Variants in MRPL48 observed in about 807,000 individuals in gnomAD.
MRPL48 encodes mitochondrial ribosomal protein L48, also known as large ribosomal subunit protein mL48.
In MRPL48, 16 loss-of-function variants were observed where a neutral mutation model predicts 32.9. The observed-to-expected ratio is 0.49, with a 90% confidence interval of 0.33 to 0.74. MRPL48 has a LOEUF of 0.74. Among genes scored for constraint, MRPL48 ranks in the 30% least tolerant of loss-of-function variants. The pLI is 0.02. For missense variants in MRPL48, 206 were observed against 245.3 expected (o/e 0.84, Z 1.07); for synonymous variants, 94 against 89.2 (o/e 1.05, Z -0.31).
intron 1 of MRPL48, among the ~76,000 whole-genome samples, chr11:73,794,652 G>T (rs1212155542): frequency 6.6e-6 from 1 of 152,036 alleles, no homozygotes; most frequent in African/African-American, 2.4e-5. Flanking sequence ...TTGTTCAAGA[G>T]AATCTAGTTA....
chr11:73,852,393 C>CAAAAAAAAAAAA (rs10554131), intron 5 of MRPL48, among the ~76,000 whole-genome samples: 4 of 83,354 alleles, frequency 4.8e-5, no homozygotes, highest in Non-Finnish European at 7.0e-5. Flanking sequence ...AACTCTATAG[C>CAAAAAAAAAAAA]AAAAAAAAAA....
intron 4 of MRPL48, among the ~76,000 whole-genome samples, chr11:73,835,173 C>T (rs58432589): frequency 5.0e-4 from 62 of 123,744 alleles, no homozygotes; most frequent in African/African-American, 1.9e-3. Context: ...GACGAAGTCT[C>T]GCTCTGTCAC....
intron 4 of MRPL48, among the ~76,000 whole-genome samples, chr11:73,841,642 T>C (rs34550191): frequency 0.059 from 8,965 of 152,246 alleles, 296 homozygotes; most frequent in Middle Eastern, 0.11. Flanking sequence ...GGAAAGGAGA[T>C]CTTTTTAGGG....
intron 1 of MRPL48, among the ~76,000 whole-genome samples, chr11:73,794,932 ATGGAGTCTTGCTCCGTCGCCCAGGC>A (rs999711040): frequency 8.0e-6 from 1 of 124,304 alleles, no homozygotes; most frequent in Non-Finnish European, 1.7e-5. Flanking sequence ...TTTTTTGGAG[ATGGAGTCTTGCTCCGTCGCCCAGGC>A]TGGAGTGCAA....
intron 1 of MRPL48, among the ~76,000 whole-genome samples, chr11:73,795,529 G>A (rs1390890698): frequency 7.5e-6 from 1 of 134,070 alleles, no homozygotes; most frequent in African/African-American, 2.8e-5. Flanking sequence ...TTTTTTTTTT[G>A]AGACCGAGTC....
At chr11:73,859,808 C>T (rs1591012274) in intron 5 of MRPL48, 99 bp from the exon 6 acceptor site, 2 of 952,736 alleles carry the variant, frequency 2.1e-6, no homozygotes, top group African/African-American at 1.6e-5. Flanking sequence ...ATTCCGGGAA[C>T]TATTGCATGC....
chr11:73,826,295 C>T (rs143458329), intron 4 of MRPL48, among the ~76,000 whole-genome samples: 158 of 152,158 alleles, frequency 1.0e-3, no homozygotes, highest in Middle Eastern at 3.4e-3. Context: ...ATAGGGATTA[C>T]AGGCATGAGC....
rs12280361 is a variant in MRPL48 at position 73,808,027 on chromosome 11, G to A, written c.75-286G>A. 4.2e-3 allele frequency among the ~76,000 whole-genome samples: 644 copies of A among 152,240 alleles called. 1 individual carries two copies. Among genetic ancestry groups the A allele is most frequent in the African/African-American group, 0.015 (609 of 41,538 alleles). On this transcript the variant is annotated intron_variant, in intron 2 of 7. Coordinates refer to ENST00000310614, the MANE Select transcript of MRPL48 (RefSeq NM_016055.6). ...TTTCCTTTGTGTCCTATTTAATTTT[G>A]TATGTTTCTGTTCTGGATCAATACT...
intron 1 of MRPL48, among the ~76,000 whole-genome samples, chr11:73,788,573 A>G (rs1229511451): frequency 6.8e-6 from 1 of 146,200 alleles, no homozygotes; most frequent in Non-Finnish European, 1.5e-5. Flanking sequence ...TTCCGGGTTC[A>G]AGCGATTCTC....
At chr11:73,797,684 C>T (rs1947282898) in intron 1 of MRPL48, among the ~76,000 whole-genome samples, 1 of 152,254 alleles carries the variant, frequency 6.6e-6, no homozygotes, top group Non-Finnish European at 1.5e-5. Context: ...TGCTCACTCA[C>T]ATACCCCTCA....
rs112576224 is a variant in MRPL48, at chr11:73,812,738, A to ATATATATTTATT, written c.112+4391_112+4392insATATTTATTTAT. Among the ~76,000 whole-genome samples the ATATATATTTATT allele has an allele frequency of 2.1e-4, 30 of 142,056 alleles. No individual in the cohort carries two copies. In the South Asian group the frequency reaches 6.2e-3, roughly 29 times the overall value. 93.2% of individuals were successfully genotyped at this position (142,056 alleles called of 152,430 possible). On this transcript the variant is annotated intron_variant, in intron 3 of 7. Coordinates refer to ENST00000310614, the MANE Select transcript of MRPL48 (RefSeq NM_016055.6). ...TCTAAATATATATATATATATATAT[A>ATATATATTTATT]TATTTATTTATTTATTTTTTATTGT...
intron 3 of MRPL48, among the ~76,000 whole-genome samples, chr11:73,810,157 A>C (rs544990719): frequency 6.6e-6 from 1 of 152,330 alleles, no homozygotes; most frequent in East Asian, 1.9e-4. Flanking sequence ...ACATTTTGTC[A>C]TGTTAGCTTC....
intron 5 of MRPL48, among the ~76,000 whole-genome samples, chr11:73,854,179 T>TG (rs1440841220): frequency 1.3e-5 from 2 of 152,238 alleles, no homozygotes; most frequent in African/African-American, 2.4e-5. Context: ...ACGGAATTGC[T>TG]GTTTTCCCTT....
intron 3 of MRPL48, among the ~76,000 whole-genome samples, chr11:73,825,182 A>G (rs1947861355): frequency 6.6e-6 from 1 of 151,886 alleles, no homozygotes; most frequent in South Asian, 2.1e-4. Context: ...AACTTTTTAT[A>G]TACTAAGTTT....
chr11:73,823,289 G>A (rs1832221689), intron 3 of MRPL48, among the ~76,000 whole-genome samples: 1 of 152,116 alleles, frequency 6.6e-6, no homozygotes, highest in Admixed American at 6.5e-5. Context: ...ACCTCACAGA[G>A]TGGTGACCCT....
intron 4 of MRPL48, among the ~76,000 whole-genome samples, chr11:73,827,353 T>G (rs1262894012): frequency 6.6e-6 from 1 of 152,128 alleles, no homozygotes; most frequent in African/African-American, 2.4e-5. Flanking sequence ...CACTGTACTC[T>G]AGTCTGGGCA....
chr11:73,864,550 C>G lies in MRPL48; in HGVS notation c.*180C>G. On this transcript the variant is annotated 3_prime_UTR_variant, in exon 8 of 8. Transcript: ENST00000310614. ...TGTACTTGCCATTTCTTACCACTTA[C>G]CTATGAGGTAATGCTTGTTATCTTC... 1 of 613,064 alleles carries G rather than the reference C, an allele frequency of 1.6e-6. No individual in the cohort carries two copies. The allele number at this position is 613,064 out of a possible 1,614,324, so 38.0% of individuals were successfully genotyped here.
At chr11:73,810,555 CTTTATT>C (rs745717903) in intron 3 of MRPL48, among the ~76,000 whole-genome samples, 1 of 114,622 alleles carries the variant, frequency 8.7e-6, no homozygotes, top group African/African-American at 4.5e-5. Context: ...TGTTTTCTTT[CTTTATT>C]TTTTTTTTTT....
At chr11:73,808,701 C>A (rs186513443) in intron 3 of MRPL48, among the ~76,000 whole-genome samples, 1 of 152,168 alleles carries the variant, frequency 6.6e-6, no homozygotes. Flanking sequence ...GCGGGCGGAT[C>A]ACCTGAGGTC....
Sources: allele counts gnomAD v4.1 joint callset (sites outside exome capture counted in the v4.1 genomes callset), GRCh38; gene constraint gnomAD v4.1.1; transcripts MANE v1.5; gene names NCBI Gene and HGNC (gene_info 2026-07-23, HGNC 2026-07-21).